CBX1: variants seen among roughly 807,000 people sequenced by gnomAD.
CBX1 encodes chromobox protein homolog 1.
A neutral mutation model predicts 25.1 loss-of-function variants in CBX1; 10 were observed. That is an observed-to-expected ratio of 0.40 (90% CI 0.25 to 0.68). The LOEUF (loss-of-function observed/expected upper bound fraction) is 0.68. Among genes scored for constraint, CBX1 ranks in the 30% least tolerant of loss-of-function variants. The pLI is 0.40. For missense variants in CBX1, 106 were observed against 218.5 expected (o/e 0.49, Z 3.25); for synonymous variants, 63 against 79.4 (o/e 0.79, Z 1.10).
At chr17:48,084,036 G>C (rs905521752) in intron 1 of CBX1, among the ~76,000 whole-genome samples, 1 of 149,950 alleles carries the variant, frequency 6.7e-6, no homozygotes, top group South Asian at 2.1e-4. Context: ...CTGTTGCCCA[G>C]TACGGTGGCC....
intron 1 of CBX1, among the ~76,000 whole-genome samples, chr17:48,085,505 A>C (rs1033394261): frequency 1.3e-5 from 2 of 152,148 alleles, no homozygotes; most frequent in African/African-American, 4.8e-5. Context: ...CTGGTAAATA[A>C]GAAAGTGACT....
intron 1 of CBX1, chr17:48,088,253 G>C (rs1035578066): frequency 2.0e-5 from 3 of 151,702 alleles, no homozygotes; most frequent in Non-Finnish European, 2.9e-5. Flanking sequence ...GGAGGTTACA[G>C]TGTGCCAAGA....
Position 48,090,401 on chromosome 17 carries a change from C to A in CBX1, c.-38+10867G>T, listed in dbSNP as rs2063338279. ...CAGAATTCATATAGCTTTTGCTGTACTCAAGACAAAAATATGGGAATCAGC... is the reference window on the plus strand; with the variant it reads ...CAGAATTCATATAGCTTTTGCTGTAATCAAGACAAAAATATGGGAATCAGC... On this transcript the variant is annotated intron_variant, in intron 1 of 4. Coordinates refer to ENST00000225603, the MANE Select transcript of CBX1 (RefSeq NM_001127228.2). 2.6e-5 allele frequency among the ~76,000 whole-genome samples: 4 copies of A among 152,132 alleles called. No individual in the cohort carries two copies. In the South Asian group the frequency reaches 8.3e-4, roughly 31 times the overall value.
chr17:48,073,398 T>C (rs1238625597), intron 4 of CBX1, among the ~76,000 whole-genome samples: 1 of 152,210 alleles, frequency 6.6e-6, no homozygotes, highest in Non-Finnish European at 1.5e-5. Flanking sequence ...CAACACCCTC[T>C]GAGTTAAATT....
intron 1 of CBX1, among the ~76,000 whole-genome samples, chr17:48,093,745 T>C (rs370830253): frequency 1.2e-4 from 19 of 152,340 alleles, no homozygotes; most frequent in African/African-American, 4.6e-4. Flanking sequence ...TCTACATTCC[T>C]GTCAAAGACT....
intron 1 of CBX1, among the ~76,000 whole-genome samples, chr17:48,078,989 CA>C (rs35083105): frequency 0.28 from 41,448 of 150,084 alleles, 6,450 homozygotes; most frequent in African/African-American, 0.44. Flanking sequence ...AGGGTTTCAC[CA>C]ACGTTGGTCA....
At chr17:48,072,869 G>A (rs761726689) in intron 4 of CBX1, among the ~76,000 whole-genome samples, 30 of 151,660 alleles carry the variant, frequency 2.0e-4, no homozygotes, top group Non-Finnish European at 3.5e-4. Context: ...AGTAGCTCAC[G>A]CCTATAATCC....
chr17:48,086,682 CCT>C (rs1445350874), intron 1 of CBX1, among the ~76,000 whole-genome samples: 6 of 151,782 alleles, frequency 4.0e-5, no homozygotes, highest in Non-Finnish European at 8.8e-5. Flanking sequence ...ATGGTGAAAC[CCT>C]GTCTCTACTA....
At position 48,073,824 on chromosome 17, in the gene CBX1, C is replaced by CAAAA. The variant is rs60857566; in HGVS notation, c.413+1178_413+1181dup. Among the ~76,000 whole-genome samples the CAAAA allele has an allele frequency of 3.3e-4, 27 of 82,460 alleles. 2 individuals are homozygous for CAAAA. The highest frequency in any genetic ancestry group is 1.6e-3 in the South Asian group (4 of 2,478). 54.1% of individuals were successfully genotyped at this position (82,460 alleles called of 152,430 possible). A position where few individuals can be genotyped will look rare whatever the true frequency, so the allele number is the denominator to read the frequency against. On this transcript the variant is annotated intron_variant, in intron 4 of 4. Transcript: ENST00000225603. The stretch of plus-strand genomic sequence containing the variant: ...CCTGGGCGAAAGAGTGAGACTGTCT[C>CAAAA]AAAAAAAAAAAAAAAAAAAAAGACA...
In CBX1 at chr17:48,097,525, G is replaced by A. The variant is rs539897156; in HGVS notation, c.-38+3743C>T. Among the ~76,000 whole-genome samples the A allele has an allele frequency of 1.6e-3, 237 of 151,288 alleles. 1 individual carries two copies. Among genetic ancestry groups the A allele is most frequent in the Admixed American group, 2.8e-3 (43 of 15,190 alleles). On this transcript the variant is annotated intron_variant, in intron 1 of 4. Transcript: ENST00000225603. Reference sequence around the variant, plus strand: ...CCAGCTACTCCGGAGGCTGAAGCAGGAGGATCGCTTGAACCTGGGAGGCGG... The same window carrying A: ...CCAGCTACTCCGGAGGCTGAAGCAGAAGGATCGCTTGAACCTGGGAGGCGG...
intron 1 of CBX1, among the ~76,000 whole-genome samples, chr17:48,079,608 C>G (rs903235309): frequency 1.3e-5 from 2 of 152,068 alleles, no homozygotes; most frequent in Non-Finnish European, 2.9e-5. Context: ...ATCCCGCTGC[C>G]TCAGTCTCCT....
intron 4 of CBX1, 39 bp downstream of exon 4, chr17:48,074,967 A>AG (rs768725433): frequency 7.2e-7 from 1 of 1,395,646 alleles, no homozygotes; most frequent in Non-Finnish European, 1.0e-6. Flanking sequence ...CAATGGGAGA[A>AG]GAAAAAAAAC....
chr17:48,092,762 A>C (rs1420977842), intron 1 of CBX1, among the ~76,000 whole-genome samples: 2 of 151,788 alleles, frequency 1.3e-5, no homozygotes, highest in Admixed American at 6.6e-5. Flanking sequence ...GCGAGACTCT[A>C]TCTCTAAAAG....
chr17:48,072,058 A>G (rs1282214764), intron 4 of CBX1, among the ~76,000 whole-genome samples: 3 of 147,162 alleles, frequency 2.0e-5, no homozygotes, highest in Non-Finnish European at 4.4e-5. Flanking sequence ...GTGCAGTGGC[A>G]TGATCTCGGA....
At chr17:48,081,794 T>G (rs370108404) in intron 1 of CBX1, among the ~76,000 whole-genome samples, 9 of 152,236 alleles carry the variant, frequency 5.9e-5, no homozygotes, top group East Asian at 5.8e-4. Flanking sequence ...AAGAAGAATA[T>G]AGAAAACAGA....
intron 4 of CBX1, among the ~76,000 whole-genome samples, chr17:48,071,967 C>T (rs2037628408): frequency 6.6e-6 from 1 of 151,598 alleles, no homozygotes. Flanking sequence ...GATAAGAACC[C>T]ATGGAGAAAT....
intron 1 of CBX1, among the ~76,000 whole-genome samples, chr17:48,091,180 TG>T (rs1481181171): frequency 6.6e-6 from 1 of 152,184 alleles, no homozygotes; most frequent in African/African-American, 2.4e-5. Context: ...CATGGCCAGG[TG>T]GAAAGACCTC....
intron 1 of CBX1, among the ~76,000 whole-genome samples, chr17:48,097,217 G>A (rs2063380283): frequency 6.6e-6 from 1 of 151,538 alleles, no homozygotes; most frequent in Non-Finnish European, 1.5e-5. Context: ...TTGCGCCACT[G>A]CACTCCAGCC....
intron 3 of CBX1, 38 bp from the exon 4 acceptor site, chr17:48,075,138 T>C (rs1190089456): frequency 4.6e-6 from 6 of 1,304,174 alleles, no homozygotes; most frequent in Non-Finnish European, 6.7e-6. Flanking sequence ...TTTATCTATA[T>C]GGGACTATTA....
Sources: gnomAD v4.1 joint callset for allele counts (sites outside exome capture counted in the v4.1 genomes callset) on GRCh38, gnomAD v4.1.1 for gene constraint, MANE v1.5 for transcripts, NCBI Gene and HGNC (gene_info 2026-07-23, HGNC 2026-07-21) for gene names.